Variants in ZFP2 observed in about 807,000 individuals in gnomAD.
ZFP2 encodes the protein zinc finger protein ZFP2.
In ZFP2, 33 loss-of-function variants were observed where a neutral mutation model predicts 36.1. The observed-to-expected ratio is 0.92, with a 90% confidence interval of 0.69 to 1.22. The LOEUF is 1.22. Among genes scored for constraint, ZFP2 ranks in the 50% most tolerant of loss-of-function variants. ZFP2 has a pLI of 0.00. For synonymous variants in ZFP2, 170 were observed against 178.0 expected (o/e 0.96, Z 0.36); for missense variants, 522 against 551.4 (o/e 0.95, Z 0.53).
intron 1 of ZFP2, among the ~76,000 whole-genome samples, chr5:178,911,316 T>C (rs1225947196): frequency 6.6e-6 from 1 of 152,170 alleles, no homozygotes; most frequent in Non-Finnish European, 1.5e-5. Context: ...CAGTCCTTCT[T>C]TCTCCACTAC....
At chr5:178,909,929 G>C in intron 1 of ZFP2, 2 of 1,441,230 alleles carry the variant, frequency 1.4e-6, no homozygotes, top group Non-Finnish European at 9.7e-7. Context: ...TCCTCAAGGG[G>C]TTCTCTGTTA....
At chr5:178,925,134 C>T (rs1299797850) in intron 4 of ZFP2, among the ~76,000 whole-genome samples, 4 of 85,278 alleles carry the variant, frequency 4.7e-5, no homozygotes, top group Non-Finnish European at 9.9e-5. Flanking sequence ...TATACACACA[C>T]ACACACACAC....
intron 4 of ZFP2, among the ~76,000 whole-genome samples, chr5:178,930,795 A>G (rs770441654): frequency 6.6e-6 from 1 of 152,228 alleles, no homozygotes; most frequent in Non-Finnish European, 1.5e-5. Flanking sequence ...AATTTGGTGT[A>G]GGATTCTAGG....
intron 4 of ZFP2, among the ~76,000 whole-genome samples, chr5:178,930,754 T>C (rs79219395): frequency 0.071 from 10,813 of 152,240 alleles, 498 homozygotes; most frequent in Non-Finnish European, 0.1. Flanking sequence ...AATCTTTACA[T>C]TGTGTCACAC....
At chr5:178,903,282 A>G (rs1203867246) in intron 1 of ZFP2, among the ~76,000 whole-genome samples, 3 of 152,222 alleles carry the variant, frequency 2.0e-5, no homozygotes, top group African/African-American at 7.2e-5. Context: ...TGATGGTAGT[A>G]TGAATTGTCT....
intron 4 of ZFP2, among the ~76,000 whole-genome samples, chr5:178,920,898 TG>T (rs1411668051): frequency 1.3e-5 from 2 of 152,238 alleles, no homozygotes; most frequent in Non-Finnish European, 2.9e-5. Context: ...AAAGGTATCA[TG>T]GGCATTTAGA....
chr5:178,907,403 G>A (rs182409304), intron 1 of ZFP2, among the ~76,000 whole-genome samples: 417 of 151,450 alleles, frequency 2.8e-3, no homozygotes, highest in African/African-American at 9.7e-3. Flanking sequence ...GAAAGGAGAG[G>A]AGGGTCCTGT....
chr5:178,923,026 A>G (rs566813775), intron 4 of ZFP2, among the ~76,000 whole-genome samples: 4 of 149,688 alleles, frequency 2.7e-5, no homozygotes, highest in South Asian at 4.2e-4. Flanking sequence ...AGAATTTACA[A>G]ATTCACTGCT....
chr5:178,921,212 A>G (rs1041059396), intron 4 of ZFP2, among the ~76,000 whole-genome samples: 1 of 152,118 alleles, frequency 6.6e-6, no homozygotes, highest in Non-Finnish European at 1.5e-5. Context: ...TGAGCCCAGG[A>G]GTTCTTAAAT....
At chr5:178,902,721 A>T (rs542481392) in intron 1 of ZFP2, among the ~76,000 whole-genome samples, 1 of 152,220 alleles carries the variant, frequency 6.6e-6, no homozygotes, top group South Asian at 2.1e-4. Context: ...GCTCCCTATT[A>T]TCTCTTCTCA....
At position 178,909,767 on chromosome 5, in the gene ZFP2, C is replaced by G; in HGVS notation, c.-449-2817C>G. On this transcript the variant is annotated intron_variant, in intron 1 of 4. Transcript: ENST00000361362. ...TTGAGCTGAGTGCACCTCTCCCTTCCTCTTCTCTTTTCCTTCGCTTCATTT... is the reference window on the plus strand; with the variant it reads ...TTGAGCTGAGTGCACCTCTCCCTTCGTCTTCTCTTTTCCTTCGCTTCATTT... 4.4e-6 allele frequency: 7 copies of G among 1,576,166 alleles called. No homozygotes were observed. The Admixed American group carries it at 5.2e-5, about 12-fold the overall frequency.
intron 1 of ZFP2, among the ~76,000 whole-genome samples, chr5:178,909,373 T>A (rs1200236082): frequency 6.6e-6 from 1 of 152,222 alleles, no homozygotes; most frequent in Non-Finnish European, 1.5e-5. Flanking sequence ...GATCATTGCT[T>A]GATAAATGGT....
At chr5:178,931,208 T>A in intron 4 of ZFP2, 29 bp from the exon 5 acceptor site, 2 of 1,499,330 alleles carry the variant, frequency 1.3e-6, no homozygotes, top group Non-Finnish European at 1.8e-6. Context: ...CAGAAACCAA[T>A]GTGCATTTGA....
Position 178,912,571 on chromosome 5 carries a change from G to A in ZFP2, c.-449-13G>A. ...GGTTTGGTTGGCATAATCCCTTATT[G>A]AGGAATTTTTAGTTTCAGGAGTCAG... On this transcript the variant is annotated splice_polypyrimidine_tract_variant and intron_variant, in intron 1 of 4. Transcript: ENST00000361362. 1.1e-6 allele frequency: 1 copy of A among 884,166 alleles called. No homozygotes were observed. The highest frequency in any genetic ancestry group is 5.1e-5 in the South Asian group (1 of 19,792). 54.8% of individuals were successfully genotyped at this position (884,166 alleles called of 1,614,324 possible). A position where few individuals can be genotyped will look rare whatever the true frequency, so the allele number is the denominator to read the frequency against.
chr5:178,898,727 G>A (rs1757989060), intron 1 of ZFP2, among the ~76,000 whole-genome samples: 1 of 152,146 alleles, frequency 6.6e-6, no homozygotes, highest in Non-Finnish European at 1.5e-5. Flanking sequence ...TACTGCATGT[G>A]GGCCTCACTG....
intron 3 of ZFP2, among the ~76,000 whole-genome samples, chr5:178,914,969 CCTT>C (rs1241545772): frequency 6.6e-6 from 1 of 152,098 alleles, no homozygotes; most frequent in Non-Finnish European, 1.5e-5. Context: ...ACGTTTCAGT[CCTT>C]CTGTAAAAAG....
Position 178,916,531 on chromosome 5 carries a change from A to G in ZFP2, c.-223-34A>G, listed in dbSNP as rs141251285. ...AATGGAAAGGAGCCCATAGAACATG[A>G]TGATTTGCAAACTCCAGATCTTGTT... On this transcript the variant is annotated intron_variant, in intron 3 of 4. Transcript: ENST00000361362. 118 of 985,390 alleles carry G rather than the reference A, an allele frequency of 1.2e-4. 1 individual carries two copies. The East Asian group carries it at 8.6e-3, about 72-fold the overall frequency. 61.0% of individuals were successfully genotyped at this position (985,390 alleles called of 1,614,324 possible). A position where few individuals can be genotyped will look rare whatever the true frequency, so the allele number is the denominator to read the frequency against.
At position 178,932,169 on chromosome 5, in the gene ZFP2, A is replaced by G. The variant is rs1758864101; in HGVS notation, c.856A>G (p.Thr286Ala). 1 of 1,613,432 alleles carries G rather than the reference A, an allele frequency of 6.2e-7. No homozygotes were observed. The highest frequency in any genetic ancestry group is 1.7e-5 in the Admixed American group (1 of 59,982). ...AGCCTTTAGTAAGAGCTCAACTCTT[A>G]CCCTACATCAGCGAAATCACACTGG... ...GKAFSKSSTL[T>A]LHQRNHTGEK... The change falls in exon 5 of 5, where the codon ACC becomes GCC. Residue 286 changes from threonine (T) to alanine (A), a missense_variant. Transcript: ENST00000361362.
chr5:178,899,447 A>G (rs934103649), intron 1 of ZFP2, among the ~76,000 whole-genome samples: 5 of 152,174 alleles, frequency 3.3e-5, no homozygotes, highest in Non-Finnish European at 7.3e-5. Context: ...GTATCATCCC[A>G]GCCAAGAGCC....
Sources: allele counts gnomAD v4.1 joint callset (sites outside exome capture counted in the v4.1 genomes callset), GRCh38; gene constraint gnomAD v4.1.1; transcripts MANE v1.5; gene names NCBI Gene and HGNC (gene_info 2026-07-23, HGNC 2026-07-21).